Variants in COQ9 observed in about 807,000 individuals in gnomAD.
COQ9 encodes the protein coenzyme Q9.
COQ9 carries 35 observed loss-of-function variants against 42.4 expected under a neutral mutation model. The ratio of observed to expected loss-of-function variants is 0.83; its 90% confidence interval spans 0.63 to 1.10. The LOEUF is 1.10. Among genes scored for constraint, COQ9 ranks in the 50% least tolerant of loss-of-function variants. COQ9 has a pLI of 0.00. For synonymous variants in COQ9, 155 were observed against 155.1 expected (o/e 1.00, Z 0.00); for missense variants, 406 against 414.6 (o/e 0.98, Z 0.18).
Position 57,452,851 on chromosome 16 carries a change from A to G in COQ9, c.293A>G (p.Gln98Arg), listed in dbSNP as rs766242464. 3 of 1,613,686 alleles carry G rather than the reference A, an allele frequency of 1.9e-6. No individual in the cohort carries two copies. The African/African-American group carries it at 4.0e-5, about 22-fold the overall frequency. ...EEEEDYESEEQLQHRILTAAL... is the reference protein window; with the variant it reads ...EEEEDYESEERLQHRILTAAL... ...GAGGAGGACTATGAAAGTGAGGAGC[A>G]GTTGCAGCACCGCATCCTGACGGCA... Residue 98 changes from glutamine to arginine, a missense_variant, in exon 3 of 9, where the codon CAG becomes CGG. Physicochemically the swap from Gln to Arg is conservative, Grantham distance 43. Transcript: ENST00000262507.
Position 57,460,972 on chromosome 16 carries a change from T to C in COQ9, c.*348T>C. The C allele has an allele frequency of 2.7e-6, 1 of 368,672 alleles. No individual in the cohort carries two copies. Among genetic ancestry groups the C allele is most frequent in the South Asian group, 2.1e-5 (1 of 47,470 alleles). The allele number at this position is 368,672 out of a possible 1,614,324, so 22.8% of individuals were successfully genotyped here. A position where few individuals can be genotyped will look rare whatever the true frequency, so the allele number is the denominator to read the frequency against. On this transcript the variant is annotated 3_prime_UTR_variant, in exon 9 of 9. Transcript: ENST00000262507. The stretch of plus-strand genomic sequence containing the variant: ...TGGGCACCTTGATCATGTCTTAACC[T>C]TCCCTTAACCTTGGGGCTCCCAAGC...
Position 57,451,098 on chromosome 16 carries a change from A to G in COQ9, c.132A>G (p.Leu44=). The G allele has an allele frequency of 6.2e-7, 1 of 1,614,166 alleles. No individual in the cohort carries two copies. Among genetic ancestry groups the G allele is most frequent in the Non-Finnish European group, 8.5e-7 (1 of 1,180,036 alleles). ...CCTTCCATGCTTCAGCTGTGGGGCT[A>G]AGGTCTTCAGATGAGCAGAAGCAGC... is the stretch of plus-strand genomic sequence containing the variant. The part of the protein sequence containing the change: ...PRAFHASAVG[L]RSSDEQKQQP... The change falls in exon 2 of 9, where the codon CTA becomes CTG. Residue 44 remains leucine (L), a synonymous_variant. Coordinates refer to ENST00000262507, the MANE Select transcript of COQ9 (RefSeq NM_020312.4).
At chr16:57,453,075 C>G (rs1401302261) in intron 3 of COQ9, 139 bp downstream of exon 3, 1 of 1,119,226 alleles carries the variant, frequency 8.9e-7, no homozygotes, top group East Asian at 2.4e-5. Flanking sequence ...GTTTTTTTCC[C>G]CCAATAGGGT....
At chr16:57,450,767 G>C (rs764339861) in intron 1 of COQ9, 7 of 519,654 alleles carry the variant, frequency 1.3e-5, no homozygotes, top group Admixed American at 3.2e-5. Context: ...CTGCACATTG[G>C]GGTGAAATTG....
At chr16:57,450,412 C>CAAAAAAAAAAAAAAAAAAAAAAAA (rs59815351) in intron 1 of COQ9, among the ~76,000 whole-genome samples, 1 of 92,462 alleles carries the variant, frequency 1.1e-5, no homozygotes, top group Non-Finnish European at 2.2e-5. Flanking sequence ...GAGACTCTGA[C>CAAAAAAAAAAAAAAAAAAAAAAAA]AAAAAAAAAA....
chr16:57,447,717 C>CTCGGGCGAGCCGCCTGGCTAGCT, intron 1 of COQ9, 139 bp downstream of exon 1: 1 of 680,246 alleles, frequency 1.5e-6, no homozygotes, highest in Non-Finnish European at 2.1e-6. Flanking sequence ...TCGGCGCGGG[C>CTCGGGCGAGCCGCCTGGCTAGCT]TCGGGCGAGC....
intron 8 of COQ9, 85 bp from the exon 9 acceptor site, chr16:57,460,500 AAGAG>A: frequency 3.0e-6 from 4 of 1,330,202 alleles, no homozygotes; most frequent in Non-Finnish European, 4.3e-6. Context: ...GAAAAAAAAA[AAGAG>A]AAAAAGAAAA....
chr16:57,460,814 C>A lies in COQ9; in HGVS notation c.*190C>A. ...GCTACCGTTCTGGTCAGGGATTGGGCTGCTTCTTCAGTTCCTAATACCAGA... is the reference window on the plus strand; with the variant it reads ...GCTACCGTTCTGGTCAGGGATTGGGATGCTTCTTCAGTTCCTAATACCAGA... On this transcript the variant is annotated 3_prime_UTR_variant, in exon 9 of 9. Coordinates refer to ENST00000262507, the MANE Select transcript of COQ9 (RefSeq NM_020312.4). 1 of 616,038 alleles carries A rather than the reference C, an allele frequency of 1.6e-6. No individual in the cohort carries two copies. The highest frequency in any genetic ancestry group is 2.9e-6 in the Non-Finnish European group (1 of 339,584). 38.2% of individuals were successfully genotyped at this position (616,038 alleles called of 1,614,324 possible).
Position 57,461,063 on chromosome 16 carries a change from C to G in COQ9, c.*439C>G. On this transcript the variant is annotated 3_prime_UTR_variant, in exon 9 of 9. Coordinates refer to ENST00000262507, the MANE Select transcript of COQ9 (RefSeq NM_020312.4). ...CTCCAGCACAGCACAGGCGTGTGCACACAGAGGTGTTCCTTGCAGCCCCCT... is the reference window on the plus strand; with the variant it reads ...CTCCAGCACAGCACAGGCGTGTGCAGACAGAGGTGTTCCTTGCAGCCCCCT... 2.3e-6 allele frequency: 1 copy of G among 434,628 alleles called. No homozygotes were observed. Among genetic ancestry groups the G allele is most frequent in the Non-Finnish European group, 4.6e-6 (1 of 216,776 alleles). The allele number at this position is 434,628 out of a possible 1,614,324, so 26.9% of individuals were successfully genotyped here. A position where few individuals can be genotyped will look rare whatever the true frequency, so the allele number is the denominator to read the frequency against.
rs766594141 is a variant in COQ9 at position 57,447,533 on chromosome 16, C to T, written c.28C>T (p.Leu10Phe). The change falls in exon 1 of 9, where the codon CTT (leucine) becomes TTT (phenylalanine). Residue 10 changes from leucine (L) to phenylalanine (F), a missense_variant. By Grantham distance (22) the Leu-to-Phe change is conservative. Coordinates refer to ENST00000262507, the MANE Select transcript of COQ9 (RefSeq NM_020312.4). The part of the protein sequence containing the change: MAAAAVSGA[L>F]GRAGWRLLQL... ...GGCGGCGGCGGCGGTATCTGGTGCG[C>T]TTGGCCGGGCGGGCTGGAGGCTCCT... 3.2e-5 allele frequency: 42 copies of T among 1,309,570 alleles called. No individual in the cohort carries two copies. The African/African-American group carries it at 6.1e-4, about 19-fold the overall frequency. 81.1% of individuals were successfully genotyped at this position (1,309,570 alleles called of 1,614,324 possible).
intron 4 of COQ9, 55 bp downstream of exon 4, chr16:57,456,701 G>T (rs1255025286): frequency 2.0e-5 from 32 of 1,587,262 alleles, no homozygotes; most frequent in Non-Finnish European, 2.7e-5. Context: ...GGGAACTTGG[G>T]CCCTACCAGC....
chr16:57,448,603 G>A (rs2030197600), intron 1 of COQ9, among the ~76,000 whole-genome samples: 1 of 151,648 alleles, frequency 6.6e-6, no homozygotes. Flanking sequence ...TTAGTAGACG[G>A]GGTTTCACCA....
chr16:57,453,457 T>G (rs1713843258), intron 3 of COQ9: 1 of 216,594 alleles, frequency 4.6e-6, no homozygotes, highest in Non-Finnish European at 9.4e-6. Flanking sequence ...TAGTACAGAC[T>G]GCTGCTTTAG....
intron 5 of COQ9, chr16:57,457,248 G>A (rs1469467978): frequency 4.9e-6 from 3 of 607,864 alleles, no homozygotes; most frequent in Non-Finnish European, 6.1e-6. Flanking sequence ...TCCGGGTACT[G>A]GATCCCATCC....
In COQ9 at chr16:57,461,175, T is replaced by C; in HGVS notation, c.*551T>C. On this transcript the variant is annotated 3_prime_UTR_variant, in exon 9 of 9. Coordinates refer to ENST00000262507, the MANE Select transcript of COQ9 (RefSeq NM_020312.4). ...GACAAGTGCCTGCTGGACAGAGGTG[T>C]GATTCCAGGCCTGGTGTCACATGAC... 1 of 455,894 alleles carries C rather than the reference T, an allele frequency of 2.2e-6. No homozygotes were observed. The highest frequency in any genetic ancestry group is 1.5e-5 in the South Asian group (1 of 64,542). The allele number at this position is 455,894 out of a possible 1,614,324, so 28.2% of individuals were successfully genotyped here.
chr16:57,458,422 A>T, intron 6 of COQ9, 72 bp downstream of exon 6: 1 of 1,170,034 alleles, frequency 8.5e-7, no homozygotes, highest in Non-Finnish European at 1.3e-6. Context: ...GAAGCTTGTG[A>T]AATTGCTTTG....
intron 3 of COQ9, chr16:57,453,220 A>G: frequency 2.0e-6 from 1 of 508,918 alleles, no homozygotes; most frequent in African/African-American, 1.9e-5. Context: ...CTAAGATGCC[A>G]TTGGTTGTAA....
Position 57,460,698 on chromosome 16 carries a change from G to C in COQ9, c.*74G>C. The C allele has an allele frequency of 7.0e-7, 1 of 1,428,992 alleles. No individual in the cohort carries two copies. Among genetic ancestry groups the C allele is most frequent in the East Asian group, 2.3e-5 (1 of 43,740 alleles). The allele number at this position is 1,428,992 out of a possible 1,614,324, so 88.5% of individuals were successfully genotyped here. A position where few individuals can be genotyped will look rare whatever the true frequency, so the allele number is the denominator to read the frequency against. On this transcript the variant is annotated 3_prime_UTR_variant, in exon 9 of 9. Coordinates refer to ENST00000262507, the MANE Select transcript of COQ9 (RefSeq NM_020312.4). ...TTGAAAGAGCTTTGAAAAGTATAAG[G>C]TGCCATCCACATAACCTGGTGTTCA...
intron 3 of COQ9, chr16:57,454,405 C>T (rs2030356231): frequency 6.6e-6 from 1 of 152,270 alleles, no homozygotes; most frequent in East Asian, 1.9e-4. Context: ...CCTATAATCC[C>T]AGCACTTTGG....
Sources: gnomAD v4.1 joint callset for allele counts (sites outside exome capture counted in the v4.1 genomes callset) on GRCh38, gnomAD v4.1.1 for gene constraint, MANE v1.5 for transcripts, NCBI Gene and HGNC (gene_info 2026-07-23, HGNC 2026-07-21) for gene names.